BARD1: variants seen among roughly 807,000 people sequenced by gnomAD.
BARD1 encodes the protein BRCA1 associated RING domain 1, also known as BRCA1-associated RING domain protein 1.
In BARD1, 73 loss-of-function variants were observed where a neutral mutation model predicts 77.0. The observed-to-expected ratio is 0.95, with a 90% CI of 0.79 to 1.15. The LOEUF (loss-of-function observed/expected upper bound fraction) is 1.15, where lower values mean the gene tolerates loss of function less well. Ranked by LOEUF, BARD1 falls within the 50% of genes most tolerant of loss-of-function variation. The probability of loss-of-function intolerance (pLI) is 0.00; values close to 1 mark genes in which losing one functional copy is unlikely to be tolerated. For missense variants in BARD1, 993 were observed against 938.8 expected (o/e 1.06, Z -0.75); for synonymous variants, 384 against 338.0 (o/e 1.14, Z -1.49).
intron 1 of BARD1, among the ~76,000 whole-genome samples, chr2:214,803,588 T>A (rs1031743766): frequency 4.6e-5 from 7 of 152,220 alleles, no homozygotes; most frequent in African/African-American, 1.7e-4. Context: ...CAAAGACCTT[T>A]GTTCACGTGT....
intron 9 of BARD1, among the ~76,000 whole-genome samples, chr2:214,738,157 T>C (rs1692650948): frequency 6.6e-6 from 1 of 152,178 alleles, no homozygotes; most frequent in Admixed American, 6.5e-5. Context: ...ATATGTTCCT[T>C]TATAGTTGAA....
At chr2:214,783,503 G>C (rs1695134681) in intron 3 of BARD1, among the ~76,000 whole-genome samples, 1 of 152,112 alleles carries the variant, frequency 6.6e-6, no homozygotes, top group Admixed American at 6.6e-5. Context: ...ATAAGTGGAA[G>C]TTAAACAATG....
intron 3 of BARD1, among the ~76,000 whole-genome samples, chr2:214,782,286 C>A (rs1487618747): frequency 6.6e-6 from 1 of 152,002 alleles, no homozygotes; most frequent in Non-Finnish European, 1.5e-5. Flanking sequence ...TTTTCACTTA[C>A]ATCAAATATA....
intron 9 of BARD1, among the ~76,000 whole-genome samples, chr2:214,735,837 A>C (rs923299958): frequency 1.3e-5 from 2 of 152,270 alleles, no homozygotes; most frequent in African/African-American, 4.8e-5. Context: ...CCAAAAGCAG[A>C]GGTTTGTCAA....
chr2:214,784,876 G>A (rs1176607685), intron 3 of BARD1, among the ~76,000 whole-genome samples: 11 of 152,056 alleles, frequency 7.2e-5, no homozygotes, highest in South Asian at 4.2e-4. Flanking sequence ...GGGCCTGTCC[G>A]ATGGAGCGGG....
intron 6 of BARD1, among the ~76,000 whole-genome samples, chr2:214,762,778 G>A (rs1021010855): frequency 6.6e-6 from 1 of 152,058 alleles, no homozygotes; most frequent in African/African-American, 2.4e-5. Flanking sequence ...ATCTATGTAC[G>A]TACCCAACTT....
At chr2:214,776,378 GA>G (rs1559418899) in intron 4 of BARD1, among the ~76,000 whole-genome samples, 1 of 152,152 alleles carries the variant, frequency 6.6e-6, no homozygotes, top group Non-Finnish European at 1.5e-5. Context: ...TAAATCAGAA[GA>G]ATAAACAATG....
intron 1 of BARD1, among the ~76,000 whole-genome samples, chr2:214,805,010 A>G (rs1696203348): frequency 6.6e-6 from 1 of 151,900 alleles, no homozygotes; most frequent in African/African-American, 2.4e-5. Context: ...AAAATACAAA[A>G]ATTAGCCGGG....
intron 6 of BARD1, among the ~76,000 whole-genome samples, chr2:214,763,207 A>C (rs1160535889): frequency 2.0e-5 from 3 of 152,080 alleles, no homozygotes; most frequent in African/African-American, 7.2e-5. Flanking sequence ...CTATTTTTTC[A>C]AAACTCGAAG....
Position 214,727,519 on chromosome 2 carries a change from C to T in BARD1, c.*1157G>A, listed in dbSNP as rs1692132165. 8.6e-6 allele frequency: 2 copies of T among 231,840 alleles called. No individual in the cohort carries two copies. Among genetic ancestry groups the T allele is most frequent in the Non-Finnish European group, 1.7e-5 (2 of 117,228 alleles). The allele number at this position is 231,840 out of a possible 1,614,324, so 14.4% of individuals were successfully genotyped here. A position where few individuals can be genotyped will look rare whatever the true frequency, so the allele number is the denominator to read the frequency against. ...ATGTTTCAAAATAATCTAATGTATC[C>T]TTGTCGATTCATGAATGAGAGCACC... On this transcript the variant is annotated 3_prime_UTR_variant, in exon 11 of 11. Transcript: ENST00000260947.
intron 4 of BARD1, among the ~76,000 whole-genome samples, chr2:214,774,978 A>G (rs1574805184): frequency 6.6e-6 from 1 of 152,190 alleles, no homozygotes; most frequent in East Asian, 1.9e-4. Flanking sequence ...ACAGAATTGA[A>G]GAGATTTAGG....
At chr2:214,771,544 A>G (rs1694488941) in intron 4 of BARD1, among the ~76,000 whole-genome samples, 1 of 152,030 alleles carries the variant, frequency 6.6e-6, no homozygotes, top group African/African-American at 2.4e-5. Context: ...CCTAGCCAAC[A>G]TGGTGAAATC....
At chr2:214,804,363 A>G (rs1386341524) in intron 1 of BARD1, among the ~76,000 whole-genome samples, 1 of 152,242 alleles carries the variant, frequency 6.6e-6, no homozygotes, top group East Asian at 1.9e-4. Context: ...TTTAACATAC[A>G]CTAAGAAACT....
chr2:214,741,911 G>A (rs1213253420), intron 9 of BARD1, among the ~76,000 whole-genome samples: 1 of 131,228 alleles, frequency 7.6e-6, no homozygotes, highest in Admixed American at 8.3e-5. Flanking sequence ...GGACCCAATG[G>A]ATCCAAATCT....
intron 6 of BARD1, 106 bp downstream of exon 6, chr2:214,767,376 G>T: frequency 9.1e-7 from 1 of 1,103,244 alleles, no homozygotes; most frequent in Non-Finnish European, 1.3e-6. Flanking sequence ...AGTTGTGAAA[G>T]TGAAGAAAGC....
At chr2:214,785,592 T>A (rs1695235496) in intron 3 of BARD1, among the ~76,000 whole-genome samples, 1 of 152,058 alleles carries the variant, frequency 6.6e-6, no homozygotes, top group Admixed American at 6.6e-5. Context: ...TTAGTCTAAT[T>A]CTTTCATTTT....
chr2:214,729,453 C>G (rs546919839), intron 10 of BARD1, among the ~76,000 whole-genome samples: 1 of 152,250 alleles, frequency 6.6e-6, no homozygotes, highest in East Asian at 1.9e-4. Context: ...CAATTATGAG[C>G]AGCTAAGAAG....
intron 3 of BARD1, among the ~76,000 whole-genome samples, chr2:214,783,177 A>C: frequency 6.6e-6 from 1 of 152,134 alleles, no homozygotes; most frequent in East Asian, 1.9e-4. Flanking sequence ...CATTCCATGA[A>C]TACTGTATTT....
intron 6 of BARD1, among the ~76,000 whole-genome samples, chr2:214,754,404 C>A (rs1474468504): frequency 6.6e-6 from 1 of 150,680 alleles, no homozygotes; most frequent in Non-Finnish European, 1.5e-5. Flanking sequence ...CAGAGACAAA[C>A]ATAGACCTTA....
Sources: allele counts gnomAD v4.1 joint callset (sites outside exome capture counted in the v4.1 genomes callset), GRCh38; gene constraint gnomAD v4.1.1; transcripts MANE v1.5; gene names NCBI Gene and HGNC (gene_info 2026-07-23, HGNC 2026-07-21).